Variants in SMC4 observed in about 807,000 individuals in gnomAD.
SMC4 encodes the protein structural maintenance of chromosomes protein 4.
Under a neutral mutation model 145.6 loss-of-function variants are expected in SMC4, and 87 were observed. The observed-to-expected ratio is 0.60, with a 90% confidence interval of 0.50 to 0.71. The LOEUF is 0.71. SMC4 is among the 30% of genes least tolerant of loss of function. The pLI is 0.00. For missense variants in SMC4, 1,447 were observed against 1,537.1 expected (o/e 0.94, Z 0.98); for synonymous variants, 558 against 500.7 (o/e 1.11, Z -1.53).
intron 7 of SMC4, chr3:160,412,898 C>A: frequency 1.3e-6 from 1 of 754,204 alleles, no homozygotes; most frequent in Non-Finnish European, 1.6e-6. Flanking sequence ...TACGTGTGCA[C>A]TTTTTAAAAT....
chr3:160,412,435 ATGTT>A lies in SMC4; in HGVS notation c.966_969del (p.Cys323AsnfsTer39). The A allele has an allele frequency of 1.2e-6, 2 of 1,603,214 alleles. No individual in the cohort carries two copies. The highest frequency in any genetic ancestry group is 1.7e-6 in the Non-Finnish European group (2 of 1,172,142). ...AATGAAATATTTAGAAAAAAGAATC[ATGTT>A]TGTCAATATTATATGTAAGTGCCTT... On this transcript the variant is annotated frameshift_variant, in exon 7 of 24. Coordinates refer to ENST00000357388, the MANE Select transcript of SMC4 (RefSeq NM_001002800.3). LOFTEE classifies it high-confidence loss of function.
intron 9 of SMC4, 147 bp downstream of exon 9, chr3:160,414,664 CT>C (rs1284542468): frequency 1.2e-6 from 1 of 855,984 alleles, no homozygotes; most frequent in Non-Finnish European, 1.8e-6. Flanking sequence ...ATTTTACCCC[CT>C]CAAGGGAAAC....
Position 160,413,443 on chromosome 3 carries a change from A to C in SMC4, c.981-30A>C, listed in dbSNP as rs530480494. On this transcript the variant is annotated intron_variant, in intron 7 of 23. Coordinates refer to ENST00000357388, the MANE Select transcript of SMC4 (RefSeq NM_001002800.3). Reference sequence around the variant, plus strand: ...TTGGAAATGGCATTTTAGGAGCTTCAATTTCTTTTTTTTTTTTTCCTCCCT... The same window carrying C: ...TTGGAAATGGCATTTTAGGAGCTTCCATTTCTTTTTTTTTTTTTCCTCCCT... The C allele has an allele frequency of 3.2e-6, 5 of 1,561,428 alleles. No homozygotes were observed. In the East Asian group the frequency reaches 1.1e-4, roughly 36 times the overall value.
At chr3:160,406,787 C>T (rs1362061144) in intron 5 of SMC4, among the ~76,000 whole-genome samples, 2 of 151,984 alleles carry the variant, frequency 1.3e-5, no homozygotes, top group Non-Finnish European at 2.9e-5. Flanking sequence ...TACTTAAATC[C>T]ATTAAAAATT....
rs140083530 is a variant in SMC4, at chr3:160,424,948, A to G, written c.2407A>G (p.Arg803Gly). Residue 803 changes from arginine to glycine, a missense_variant, in exon 16 of 24, where the codon AGA becomes GGA. By Grantham distance (125) the Arg-to-Gly change is moderately radical. Coordinates refer to ENST00000357388, the MANE Select transcript of SMC4 (RefSeq NM_001002800.3). The stretch of plus-strand genomic sequence containing the variant: ...AGAACAGAAAGTACAACTTGAAGAA[A>G]GAGTAGTTAAGTTACGGCATAGTGA... ...IQEQKVQLEE[R>G]VVKLRHSERE... The G allele has an allele frequency of 1.1e-5, 18 of 1,614,120 alleles. No individual in the cohort carries two copies. The Admixed American group carries it at 2.5e-4, about 22-fold the overall frequency.
In SMC4 at chr3:160,414,530, A is replaced by C; in HGVS notation, c.1272+13A>C. ...AGATAAAGAAAAGGTAGGTGTTAGA[A>C]AAAAATTCTTAAAATTTCACGTCTG... On this transcript the variant is annotated intron_variant, in intron 9 of 23. Transcript: ENST00000357388. The C allele has an allele frequency of 3.7e-6, 6 of 1,607,718 alleles. No individual in the cohort carries two copies. The highest frequency in any genetic ancestry group is 1.1e-5 in the South Asian group (1 of 90,366).
chr3:160,406,810 C>T (rs1211919635), intron 5 of SMC4, among the ~76,000 whole-genome samples: 1 of 152,098 alleles, frequency 6.6e-6, no homozygotes, highest in East Asian at 1.9e-4. Flanking sequence ...ATTAATTGGC[C>T]ATTCAATTGA....
At chr3:160,432,940 G>C (rs935360527) in intron 22 of SMC4, 86 bp from the exon 23 acceptor site, 1 of 858,704 alleles carries the variant, frequency 1.2e-6, no homozygotes, top group East Asian at 2.4e-5. Flanking sequence ...AAAAAAGATA[G>C]TAGAACTCAA....
chr3:160,421,078 C>T (rs957907598), intron 13 of SMC4, among the ~76,000 whole-genome samples, 177 bp downstream of exon 13: 5 of 152,066 alleles, frequency 3.3e-5, no homozygotes, highest in East Asian at 3.9e-4. Flanking sequence ...TACAGGTGCC[C>T]GCCACCACAC....
intron 11 of SMC4, among the ~76,000 whole-genome samples, chr3:160,418,420 G>A (rs981376763): frequency 2.0e-5 from 3 of 152,040 alleles, no homozygotes; most frequent in African/African-American, 7.2e-5. Context: ...CCCCATCCTT[G>A]AGTGAATTAG....
intron 6 of SMC4, 72 bp from the exon 7 acceptor site, chr3:160,412,254 T>C (rs1222862618): frequency 4.4e-5 from 66 of 1,490,128 alleles, no homozygotes; most frequent in African/African-American, 5.7e-5. Context: ...TTTTATCTAA[T>C]GTTTGCATAT....
At chr3:160,421,082 A>G (rs556361340) in intron 13 of SMC4, among the ~76,000 whole-genome samples, 181 bp downstream of exon 13, 2 of 152,124 alleles carry the variant, frequency 1.3e-5, no homozygotes, top group African/African-American at 4.8e-5. Context: ...GGTGCCCGCC[A>G]CCACACCCAG....
chr3:160,415,526 C>T (rs1360094634), intron 9 of SMC4, among the ~76,000 whole-genome samples: 23 of 152,204 alleles, frequency 1.5e-4, no homozygotes, highest in Admixed American at 1.4e-3. Flanking sequence ...CTCTACTTTA[C>T]GCTATAAGCA....
At chr3:160,432,235 A>T in intron 21 of SMC4, 48 bp from the exon 22 acceptor site, 2 of 1,322,382 alleles carry the variant, frequency 1.5e-6, no homozygotes, top group East Asian at 2.3e-5. Flanking sequence ...GCTAATTATC[A>T]TATCAAATTT....
chr3:160,432,289 T>A lies in SMC4; in HGVS notation c.3304T>A (p.Leu1102Met), dbSNP rs771670324. 6 of 1,594,802 alleles carry A rather than the reference T, an allele frequency of 3.8e-6. No homozygotes were observed. In the South Asian group the frequency reaches 6.8e-5, roughly 18 times the overall value. ...AIAEYKKKEE[L>M]YLQRVAELDK... ...TATCATAATCTTTTCACAGGAAGAA[T>A]TGTATTTGCAACGGGTAGCAGAATT... The change falls in exon 22 of 24, where the codon TTG (leucine) becomes ATG (methionine). Residue 1102 changes from leucine to methionine, a missense_variant. Physicochemically the swap from Leu to Met is conservative, Grantham distance 15 (BLOSUM62 2). Coordinates refer to ENST00000357388, the MANE Select transcript of SMC4 (RefSeq NM_001002800.3).
intron 13 of SMC4, among the ~76,000 whole-genome samples, chr3:160,421,899 A>T (rs2108487257): frequency 6.6e-6 from 1 of 151,814 alleles, no homozygotes; most frequent in African/African-American, 2.4e-5. Flanking sequence ...ATACCCCTTC[A>T]CCCCCTCCGT....
At chr3:160,426,873 T>A (rs1306851320) in intron 17 of SMC4, among the ~76,000 whole-genome samples, 1 of 152,192 alleles carries the variant, frequency 6.6e-6, no homozygotes, top group East Asian at 1.9e-4. Context: ...TCTTAGCTAG[T>A]GACTCCAGCA....
chr3:160,416,650 A>G, intron 10 of SMC4: 1 of 270,486 alleles, frequency 3.7e-6, no homozygotes, highest in Non-Finnish European at 7.0e-6. Flanking sequence ...TGTGATGTCA[A>G]ATACAGTACC....
chr3:160,412,741 A>C (rs765179328), intron 7 of SMC4: 10 of 748,662 alleles, frequency 1.3e-5, no homozygotes, highest in Non-Finnish European at 1.7e-5. Context: ...TGTGAGGACT[A>C]TCTGGCTGTG....
Sources: allele counts gnomAD v4.1 joint callset (sites outside exome capture counted in the v4.1 genomes callset), GRCh38; gene constraint gnomAD v4.1.1; transcripts MANE v1.5; gene names NCBI Gene and HGNC (gene_info 2026-07-23, HGNC 2026-07-21).